The following VEPH1 variants were observed in gnomAD, a reference collection of about 807,000 sequenced individuals.
VEPH1 encodes the protein ventricular zone-expressed PH domain-containing protein homolog 1.
In VEPH1, 80 loss-of-function variants were observed where a neutral mutation model predicts 85.2. The observed-to-expected ratio is 0.94, with a 90% CI of 0.78 to 1.13. VEPH1 has a LOEUF of 1.13. Among genes scored for constraint, VEPH1 ranks in the 50% most tolerant of loss-of-function variants. The probability of loss-of-function intolerance (pLI) is 0.00; values close to 1 mark genes in which losing one functional copy is unlikely to be tolerated. For missense variants in VEPH1, 955 were observed against 980.5 expected, an observed-to-expected ratio of 0.97 and a Z score of 0.35; for synonymous variants, 297 against 348.0, an observed-to-expected ratio of 0.85 and a Z score of 1.63.
intron 5 of VEPH1, among the ~76,000 whole-genome samples, chr3:157,424,268 T>G (rs1732582849): frequency 6.6e-6 from 1 of 152,248 alleles, no homozygotes; most frequent in African/African-American, 2.4e-5. Flanking sequence ...CTGCCATGAT[T>G]CTGAGGCCTC....
intron 4 of VEPH1, among the ~76,000 whole-genome samples, chr3:157,451,454 T>C (rs1389211257): frequency 6.6e-6 from 1 of 152,162 alleles, no homozygotes; most frequent in Middle Eastern, 3.2e-3. Context: ...TTGAATAAAA[T>C]AAATGTGTAC....
At chr3:157,364,690 T>C (rs1296505958) in intron 7 of VEPH1, among the ~76,000 whole-genome samples, 178 bp from the exon 8 acceptor site, 1 of 152,250 alleles carries the variant, frequency 6.6e-6, no homozygotes, top group Non-Finnish European at 1.5e-5. Context: ...TTCTACAGCT[T>C]GTTCTGCCAG....
chr3:157,460,455 A>G (rs1735764105), intron 3 of VEPH1, 100 bp from the exon 4 acceptor site: 2 of 1,391,780 alleles, frequency 1.4e-6, no homozygotes, highest in Admixed American at 5.0e-5. Flanking sequence ...AAGCTACCAG[A>G]GTACAGCTGT....
intron 2 of VEPH1, among the ~76,000 whole-genome samples, chr3:157,481,034 AT>A (rs1737988139): frequency 6.6e-6 from 1 of 151,982 alleles, no homozygotes; most frequent in South Asian, 2.1e-4. Flanking sequence ...TTTGATTTGC[AT>A]TTCTCTGATG....
intron 11 of VEPH1, among the ~76,000 whole-genome samples, chr3:157,298,262 T>C (rs976685627): frequency 6.6e-6 from 1 of 152,172 alleles, no homozygotes; most frequent in Non-Finnish European, 1.5e-5. Flanking sequence ...AATCAAGCTG[T>C]AGTGAGGTTA....
chr3:157,308,465 G>A (rs1719756946), intron 11 of VEPH1, among the ~76,000 whole-genome samples: 1 of 151,842 alleles, frequency 6.6e-6, no homozygotes, highest in South Asian at 2.1e-4. Flanking sequence ...TTGGTTTCTG[G>A]ACTAGTCTGT....
At position 157,364,444 on chromosome 3, in the gene VEPH1, T is replaced by G. The variant is rs1446305009; in HGVS notation, c.1196A>C (p.Asn399Thr). 6.2e-7 allele frequency: 1 copy of G among 1,614,042 alleles called. No individual in the cohort carries two copies. The highest frequency in any genetic ancestry group is 1.1e-5 in the South Asian group (1 of 91,076). The change falls in exon 8 of 14, where the codon AAT (asparagine) becomes ACT (threonine). Residue 399 changes from asparagine (N) to threonine (T), a missense_variant. Coordinates refer to ENST00000362010, the MANE Select transcript of VEPH1 (RefSeq NM_001167912.2). ...LEETKLIVTE[N>T]EDHEKLQVKI... Reference sequence around the variant, plus strand: ...AACTTGGAGTTTTTCATGGTCTTCATTTTCAGTTACTATGAGCTTGGTTTC... The same window carrying G: ...AACTTGGAGTTTTTCATGGTCTTCAGTTTCAGTTACTATGAGCTTGGTTTC...
At chr3:157,463,071 G>A (rs190425424) in intron 3 of VEPH1, among the ~76,000 whole-genome samples, 1 of 152,162 alleles carries the variant, frequency 6.6e-6, no homozygotes, top group Non-Finnish European at 1.5e-5. Context: ...ACCAGATCCT[G>A]GTAATATCAT....
intron 4 of VEPH1, among the ~76,000 whole-genome samples, chr3:157,449,905 TTAAA>T (rs1427265550): frequency 2.6e-5 from 4 of 151,614 alleles, no homozygotes; most frequent in South Asian, 2.1e-4. Context: ...TTTTTCTACT[TTAAA>T]TAATATTTTT....
intron 2 of VEPH1, among the ~76,000 whole-genome samples, chr3:157,483,477 A>G (rs1738324933): frequency 6.6e-6 from 1 of 152,228 alleles, no homozygotes; most frequent in South Asian, 2.1e-4. Flanking sequence ...GAAATTATTG[A>G]CCTCAAATTA....
At chr3:157,311,555 TACTC>T (rs1720113233) in intron 11 of VEPH1, among the ~76,000 whole-genome samples, 1 of 152,262 alleles carries the variant, frequency 6.6e-6, no homozygotes, top group South Asian at 2.1e-4. Context: ...TTTTTTCTAT[TACTC>T]ATGAACAAAC....
chr3:157,313,348 A>G (rs1189920384), intron 11 of VEPH1, among the ~76,000 whole-genome samples: 3 of 151,880 alleles, frequency 2.0e-5, no homozygotes, highest in Non-Finnish European at 4.4e-5. Context: ...AATCTTTTCT[A>G]TTTCATACTA....
intron 11 of VEPH1, among the ~76,000 whole-genome samples, chr3:157,300,034 G>A (rs957430889): frequency 6.6e-6 from 1 of 152,156 alleles, no homozygotes; most frequent in South Asian, 2.1e-4. Context: ...AGATAAAAGC[G>A]CTGGTAAGTA....
chr3:157,382,911 A>C (rs1164107245), intron 6 of VEPH1, among the ~76,000 whole-genome samples: 2 of 152,194 alleles, frequency 1.3e-5, no homozygotes, highest in Non-Finnish European at 1.5e-5. Flanking sequence ...GGCTCACTGC[A>C]GCCTTGACCT....
intron 12 of VEPH1, among the ~76,000 whole-genome samples, chr3:157,285,742 C>A (rs1716689210): frequency 6.6e-6 from 1 of 152,186 alleles, no homozygotes; most frequent in Non-Finnish European, 1.5e-5. Context: ...CGTGTTTCCA[C>A]TGGTTGGATT....
At chr3:157,428,276 A>G in intron 5 of VEPH1, 46 bp downstream of exon 5, 7 of 1,600,470 alleles carry the variant, frequency 4.4e-6, no homozygotes, top group Non-Finnish European at 6.0e-6. Context: ...ACACAAAGAA[A>G]CATGCCTGGT....
chr3:157,364,380 G>C lies in VEPH1; in HGVS notation c.1260C>G (p.Ser420Arg). ...QAFEDKINAGSNTPGSIRRYS... is the reference protein window; with the variant it reads ...QAFEDKINAGRNTPGSIRRYS... The stretch of plus-strand genomic sequence containing the variant: ...ATCTTCTGATAGAGCCAGGGGTATT[G>C]CTCCCTGCATTTATCTTGTCTTCAA... Residue 420 changes from serine (S) to arginine (R), a missense_variant, in exon 8 of 14, where the codon AGC becomes AGG. Coordinates refer to ENST00000362010, the MANE Select transcript of VEPH1 (RefSeq NM_001167912.2). The C allele has an allele frequency of 6.2e-7, 1 of 1,613,936 alleles. No homozygotes were observed. Among genetic ancestry groups the C allele is most frequent in the Non-Finnish European group, 8.5e-7 (1 of 1,179,918 alleles).
chr3:157,480,644 C>CATA (rs1737953279), intron 2 of VEPH1, among the ~76,000 whole-genome samples: 1 of 152,076 alleles, frequency 6.6e-6, no homozygotes, highest in Non-Finnish European at 1.5e-5. Flanking sequence ...GTTTTTATGG[C>CATA]TGTGCAGTAT....
At position 157,261,245 on chromosome 3, in the gene VEPH1, A is replaced by G. The variant is rs145306147; in HGVS notation, c.2391T>C (p.Tyr797=). 6.6e-5 allele frequency: 106 copies of G among 1,613,664 alleles called. No individual in the cohort carries two copies. Among genetic ancestry groups the G allele is most frequent in the Middle Eastern group, 4.9e-4 (3 of 6,082 alleles). Residue 797 remains tyrosine (Y), a synonymous_variant, in exon 14 of 14, where the codon TAT becomes TAC. Transcript: ENST00000362010. ...AFEIFTDNKT[Y]VFKAKDEKNA... Reference sequence around the variant, plus strand: ...TCTTCTCATCCTTGGCCTTAAAGACATAGGTTTTATTGTCTGTGAAGATTT... The same window carrying G: ...TCTTCTCATCCTTGGCCTTAAAGACGTAGGTTTTATTGTCTGTGAAGATTT...
Sources: allele counts gnomAD v4.1 joint callset (sites outside exome capture counted in the v4.1 genomes callset), GRCh38; gene constraint gnomAD v4.1.1; transcripts MANE v1.5; gene names NCBI Gene and HGNC (gene_info 2026-07-23, HGNC 2026-07-21).